Variants in CCDC85A observed in about 807,000 individuals in gnomAD.
CCDC85A encodes the protein coiled-coil domain containing 85A.
Under a neutral mutation model 50.2 loss-of-function variants are expected in CCDC85A, and 38 were observed. The ratio of observed to expected loss-of-function variants is 0.76; its 90% CI spans 0.58 to 0.99. The LOEUF is 0.99. Ranked by LOEUF, CCDC85A falls within the 50% of genes least tolerant of loss-of-function variation. The probability of loss-of-function intolerance (pLI) is 0.00; values close to 1 mark genes in which losing one functional copy is unlikely to be tolerated. For missense variants in CCDC85A, 820 were observed against 742.0 expected (o/e 1.11, Z -1.22); for synonymous variants, 366 against 301.4 (o/e 1.21, Z -2.22).
rs1017951204 is a variant in CCDC85A, at chr2:56,385,684, A to G, written c.*1329A>G. 2.6e-5 allele frequency: 4 copies of G among 151,966 alleles called. No individual in the cohort carries two copies. The highest frequency in any genetic ancestry group is 5.9e-5 in the Non-Finnish European group (4 of 67,798). 9.4% of individuals were successfully genotyped at this position (151,966 alleles called of 1,614,324 possible). A position where few individuals can be genotyped will look rare whatever the true frequency, so the allele number is the denominator to read the frequency against. On this transcript the variant is annotated 3_prime_UTR_variant, in exon 6 of 6. Transcript: ENST00000407595. ...ATATTCTCTGTTGTTGTTGTTTTAG[A>G]TGGGCTCATTACATAACGAGTTAAT...
Position 56,257,690 on chromosome 2 carries a change from G to T in CCDC85A, c.1240+64250G>T, listed in dbSNP as rs143392655. Among the ~76,000 whole-genome samples the T allele has an allele frequency of 3.6e-3, 549 of 152,248 alleles. 3 individuals are homozygous for T. Among genetic ancestry groups the T allele is most frequent in the Middle Eastern group, 0.024 (7 of 294 alleles). On this transcript the variant is annotated intron_variant, in intron 2 of 5. Transcript: ENST00000407595. ...AAACATTTAAAAGAAACTCAATCAGGTGTTTTTTCAGGTATCTACAAGGCG... is the reference window on the plus strand; with the variant it reads ...AAACATTTAAAAGAAACTCAATCAGTTGTTTTTTCAGGTATCTACAAGGCG...
intron 2 of CCDC85A, among the ~76,000 whole-genome samples, chr2:56,309,699 A>G (rs538626940): frequency 3.3e-5 from 5 of 152,284 alleles, no homozygotes; most frequent in African/African-American, 9.6e-5. Flanking sequence ...CAAATTAAAG[A>G]AGCTACTGTG....
chr2:56,231,444 C>T (rs1336864856), intron 2 of CCDC85A, among the ~76,000 whole-genome samples: 1 of 152,104 alleles, frequency 6.6e-6, no homozygotes, highest in African/African-American at 2.4e-5. Context: ...GTTCTGAATC[C>T]AGGTAATTGC....
intron 2 of CCDC85A, among the ~76,000 whole-genome samples, chr2:56,202,403 C>T (rs767755876): frequency 6.6e-6 from 1 of 152,290 alleles, no homozygotes; most frequent in African/African-American, 2.4e-5. Flanking sequence ...CTCTCCTTAC[C>T]CCAAGGCCAT....
At chr2:56,337,994 A>C (rs1558647974) in intron 2 of CCDC85A, among the ~76,000 whole-genome samples, 1 of 152,058 alleles carries the variant, frequency 6.6e-6, no homozygotes, top group Non-Finnish European at 1.5e-5. Flanking sequence ...CATGTTGGCC[A>C]GGATGATCTC....
At chr2:56,326,179 T>G (rs990575652) in intron 2 of CCDC85A, among the ~76,000 whole-genome samples, 4 of 152,136 alleles carry the variant, frequency 2.6e-5, no homozygotes, top group African/African-American at 9.6e-5. Flanking sequence ...CACCTCAGGT[T>G]AAGTCCAGAA....
chr2:56,371,303 T>C (rs964734300), intron 3 of CCDC85A, among the ~76,000 whole-genome samples: 3 of 152,100 alleles, frequency 2.0e-5, no homozygotes, highest in African/African-American at 7.2e-5. Context: ...CTTAAGACCA[T>C]GGTGCATTTT....
intron 3 of CCDC85A, among the ~76,000 whole-genome samples, chr2:56,359,155 C>T (rs1374419146): frequency 6.6e-6 from 1 of 152,020 alleles, no homozygotes; most frequent in Non-Finnish European, 1.5e-5. Context: ...CTTATTTTTG[C>T]ATTAGTTCAA....
intron 2 of CCDC85A, among the ~76,000 whole-genome samples, chr2:56,230,868 G>T (rs991523191): frequency 3.9e-5 from 6 of 152,160 alleles, no homozygotes; most frequent in Non-Finnish European, 7.3e-5. Context: ...AATGCTGGAG[G>T]AAATTAGAAG....
chr2:56,292,330 G>A (rs928256133), intron 2 of CCDC85A, among the ~76,000 whole-genome samples: 11 of 152,026 alleles, frequency 7.2e-5, no homozygotes, highest in African/African-American at 2.4e-4. Flanking sequence ...TGATCCACCC[G>A]CCTCGGCCTC....
chr2:56,314,946 T>C (rs950578643), intron 2 of CCDC85A, among the ~76,000 whole-genome samples: 1 of 152,114 alleles, frequency 6.6e-6, no homozygotes, highest in African/African-American at 2.4e-5. Flanking sequence ...GAGACTGTAA[T>C]TGTTCCTCCT....
intron 3 of CCDC85A, among the ~76,000 whole-genome samples, chr2:56,364,191 C>T (rs1427641390): frequency 1.3e-5 from 2 of 152,070 alleles, no homozygotes; most frequent in East Asian, 3.9e-4. Flanking sequence ...TCTGCCGTCA[C>T]TCTGGCTACA....
At chr2:56,262,711 G>C (rs1003787468) in intron 2 of CCDC85A, among the ~76,000 whole-genome samples, 1 of 152,156 alleles carries the variant, frequency 6.6e-6, no homozygotes, top group Non-Finnish European at 1.5e-5. Context: ...TCAGTTTAAG[G>C]CAGAGTATTG....
At chr2:56,313,129 C>T (rs1051909349) in intron 2 of CCDC85A, among the ~76,000 whole-genome samples, 1 of 152,086 alleles carries the variant, frequency 6.6e-6, no homozygotes. Context: ...TTATATTGTC[C>T]TGAACATTCA....
intron 2 of CCDC85A, among the ~76,000 whole-genome samples, chr2:56,269,605 G>A (rs1670609968): frequency 1.3e-5 from 2 of 152,056 alleles, no homozygotes; most frequent in South Asian, 4.1e-4. Flanking sequence ...AAAGGGTATG[G>A]CACTTTCCCT....
intron 2 of CCDC85A, among the ~76,000 whole-genome samples, chr2:56,337,781 C>CT (rs141442127): frequency 0.1 from 15,397 of 147,056 alleles, 2,625 homozygotes; most frequent in African/African-American, 0.36. Context: ...ATATAGGCTC[C>CT]TTTTTTTTTT....
At chr2:56,365,284 T>G (rs1252536485) in intron 3 of CCDC85A, among the ~76,000 whole-genome samples, 1 of 152,212 alleles carries the variant, frequency 6.6e-6, no homozygotes, top group East Asian at 1.9e-4. Context: ...TTTCATTTGT[T>G]TATTAGGATA....
At chr2:56,244,540 G>A (rs1669415316) in intron 2 of CCDC85A, among the ~76,000 whole-genome samples, 1 of 151,802 alleles carries the variant, frequency 6.6e-6, no homozygotes. Context: ...GACCCTAAGA[G>A]ACTGCAGGAT....
At chr2:56,263,160 C>T (rs1158397439) in intron 2 of CCDC85A, among the ~76,000 whole-genome samples, 1 of 152,124 alleles carries the variant, frequency 6.6e-6, no homozygotes, top group Non-Finnish European at 1.5e-5. Flanking sequence ...ACAGTATAAT[C>T]CTAAAGACAG....
Sources: gnomAD v4.1 joint callset for allele counts (sites outside exome capture counted in the v4.1 genomes callset) on GRCh38, gnomAD v4.1.1 for gene constraint, MANE v1.5 for transcripts, NCBI Gene and HGNC (gene_info 2026-07-23, HGNC 2026-07-21) for gene names.